Variants in FANCC observed in about 807,000 individuals in gnomAD.
The protein encoded by FANCC is Fanconi anemia group C protein.
A neutral mutation model predicts 71.3 loss-of-function variants in FANCC; 55 were observed. The observed-to-expected ratio is 0.77, with a 90% confidence interval of 0.62 to 0.97. FANCC has a LOEUF of 0.97. FANCC is among the 50% of genes least tolerant of loss of function. The probability of loss-of-function intolerance (pLI) is 0.00; values close to 1 mark genes in which losing one functional copy is unlikely to be tolerated. For missense variants in FANCC, 678 were observed against 670.9 expected (o/e 1.01, Z -0.12); for synonymous variants, 275 against 244.9 (o/e 1.12, Z -1.15).
chr9:95,292,935 A>G, intron 1 of FANCC: 1 of 1,580,768 alleles, frequency 6.3e-7, no homozygotes, highest in South Asian at 1.1e-5. Flanking sequence ...TCCCTACGCC[A>G]GTAGAAAAGC....
At chr9:95,224,801 C>A (rs1564769914) in intron 4 of FANCC, among the ~76,000 whole-genome samples, 1 of 152,046 alleles carries the variant, frequency 6.6e-6, no homozygotes, top group Non-Finnish European at 1.5e-5. Context: ...GTCTGATTCC[C>A]AAAGGAGTGA....
At position 95,274,858 on chromosome 9, in the gene FANCC, G is replaced by A. The variant is rs541499650; in HGVS notation, c.-78-25489C>T. Among the ~76,000 whole-genome samples, 5 of 152,280 alleles carry A rather than the reference G, an allele frequency of 3.3e-5. No individual in the cohort carries two copies. The East Asian group carries it at 9.6e-4, about 29-fold the overall frequency. ...TATTTGGGGAAGGGAAAGGAGGAAA[G>A]GGATAAGGGGAGGATATCTGCAGTC... On this transcript the variant is annotated intron_variant, in intron 1 of 14. Transcript: ENST00000289081.
intron 10 of FANCC, 52 bp downstream of exon 10, chr9:95,125,034 A>AAG: frequency 6.7e-7 from 1 of 1,481,760 alleles, no homozygotes; most frequent in Non-Finnish European, 9.4e-7. Context: ...AAATACTCTC[A>AAG]ACAGCGTCTT....
At chr9:95,142,247 C>G (rs1018037164) in intron 7 of FANCC, among the ~76,000 whole-genome samples, 31 of 152,138 alleles carry the variant, frequency 2.0e-4, no homozygotes, top group African/African-American at 7.5e-4. Flanking sequence ...CCTGCCTCAG[C>G]CTTCCAAAGT....
intron 4 of FANCC, among the ~76,000 whole-genome samples, chr9:95,181,560 G>C (rs1414611965): frequency 1.3e-5 from 2 of 152,178 alleles, no homozygotes; most frequent in Non-Finnish European, 2.9e-5. Context: ...CTGGCAGAGT[G>C]ATCTTGGAGA....
At chr9:95,118,376 C>T (rs1046110254) in intron 10 of FANCC, among the ~76,000 whole-genome samples, 1 of 152,208 alleles carries the variant, frequency 6.6e-6, no homozygotes, top group Non-Finnish European at 1.5e-5. Context: ...TTTCGAGGGC[C>T]AAAGAGCTAC....
intron 9 of FANCC, among the ~76,000 whole-genome samples, 180 bp from the exon 10 acceptor site, chr9:95,125,365 T>A (rs562866861): frequency 2.6e-5 from 4 of 152,258 alleles, no homozygotes; most frequent in Non-Finnish European, 5.9e-5. Flanking sequence ...CTCCCTGTTA[T>A]ATTTTCTTTA....
At chr9:95,316,575 G>C (rs1835751849) in intron 1 of FANCC, among the ~76,000 whole-genome samples, 1 of 152,138 alleles carries the variant, frequency 6.6e-6, no homozygotes, top group Non-Finnish European at 1.5e-5. Flanking sequence ...GCATTAAATG[G>C]GGCACAAGTT....
At position 95,124,211 on chromosome 9, in the gene FANCC, T is replaced by C. The variant is rs894442936; in HGVS notation, c.996+875A>G. 2.6e-5 allele frequency among the ~76,000 whole-genome samples: 4 copies of C among 151,020 alleles called. No homozygotes were observed. The East Asian group carries it at 7.8e-4, about 30-fold the overall frequency. On this transcript the variant is annotated intron_variant, in intron 10 of 14. Coordinates refer to ENST00000289081, the MANE Select transcript of FANCC (RefSeq NM_000136.3). Reference sequence around the variant, plus strand: ...CTGGTGGAGCCAAGCATTGTAGTTCTCCTCTCGGAAGTCAAACTGCGGAGA... The same window carrying C: ...CTGGTGGAGCCAAGCATTGTAGTTCCCCTCTCGGAAGTCAAACTGCGGAGA...
intron 4 of FANCC, among the ~76,000 whole-genome samples, chr9:95,236,365 T>C (rs2136023990): frequency 6.6e-6 from 1 of 152,322 alleles, no homozygotes; most frequent in Non-Finnish European, 1.5e-5. Context: ...AAGTATCTGT[T>C]CAGTGGATTT....
chr9:95,303,089 C>T (rs746534280), intron 1 of FANCC, among the ~76,000 whole-genome samples: 4 of 152,162 alleles, frequency 2.6e-5, no homozygotes, highest in African/African-American at 9.7e-5. Flanking sequence ...TACAGCCAGA[C>T]TTTCTGCAAG....
chr9:95,261,998 C>A (rs1832081005), intron 1 of FANCC, among the ~76,000 whole-genome samples: 1 of 152,136 alleles, frequency 6.6e-6, no homozygotes, highest in African/African-American at 2.4e-5. Context: ...CAGCTTAGGA[C>A]CACTGCCATT....
intron 4 of FANCC, among the ~76,000 whole-genome samples, chr9:95,227,399 C>T (rs1829686589): frequency 6.6e-6 from 1 of 152,196 alleles, no homozygotes; most frequent in Admixed American, 6.5e-5. Context: ...GCCAACCAAA[C>T]CACAGACACA....
Position 95,107,152 on chromosome 9 carries a change from CAGG to C in FANCC, c.1444_1446del (p.Pro482del), listed in dbSNP as rs773270231. On this transcript the variant is annotated inframe_deletion, in exon 14 of 15. Transcript: ENST00000289081. Reference sequence around the variant, plus strand: ...AGAAGGTGCCTGATCAGCTGTTGTGCAGGAGCTCTGAGGTCTGTGTCTGTGCCC... The same window carrying C: ...AGAAGGTGCCTGATCAGCTGTTGTGCAGCTCTGAGGTCTGTGTCTGTGCCC... 3 of 1,614,104 alleles carry C rather than the reference CAGG, an allele frequency of 1.9e-6. No homozygotes were observed. The Admixed American group carries it at 5.0e-5, about 27-fold the overall frequency.
intron 1 of FANCC, among the ~76,000 whole-genome samples, chr9:95,281,070 G>C (rs1381582622): frequency 6.6e-6 from 1 of 152,154 alleles, no homozygotes; most frequent in Non-Finnish European, 1.5e-5. Context: ...GAGCAAATAT[G>C]TGGGTCACTG....
In FANCC at chr9:95,279,200, C is replaced by A. The variant is rs571871295; in HGVS notation, c.-78-29831G>T. Among the ~76,000 whole-genome samples the A allele has an allele frequency of 5.3e-5, 8 of 152,116 alleles. No individual in the cohort carries two copies. In the South Asian group the frequency reaches 1.5e-3, roughly 28 times the overall value. ...GGGCATGGTGGTGCATGCTTGCAGTCCTAATCACTCAGGAGGCTGAACCAT... is the reference window on the plus strand; with the variant it reads ...GGGCATGGTGGTGCATGCTTGCAGTACTAATCACTCAGGAGGCTGAACCAT... On this transcript the variant is annotated intron_variant, in intron 1 of 14. Coordinates refer to ENST00000289081, the MANE Select transcript of FANCC (RefSeq NM_000136.3).
chr9:95,261,051 C>T (rs1283970531), intron 1 of FANCC, among the ~76,000 whole-genome samples: 2 of 152,196 alleles, frequency 1.3e-5, no homozygotes, highest in African/African-American at 4.8e-5. Flanking sequence ...ACCTGTACGG[C>T]TACTGCTTTG....
chr9:95,293,898 T>G (rs1834216258), intron 1 of FANCC: 4 of 1,599,022 alleles, frequency 2.5e-6, no homozygotes, highest in Non-Finnish European at 3.4e-6. Context: ...CATTTTTGAG[T>G]GTTCATTCAT....
chr9:95,110,206 A>G, intron 13 of FANCC: 2 of 979,616 alleles, frequency 2.0e-6, no homozygotes, highest in Non-Finnish European at 2.4e-6. Context: ...AAGATGTGCC[A>G]ATGTAGAACT....
Sources: allele counts gnomAD v4.1 joint callset (sites outside exome capture counted in the v4.1 genomes callset), GRCh38; gene constraint gnomAD v4.1.1; transcripts MANE v1.5; gene names NCBI Gene and HGNC (gene_info 2026-07-23, HGNC 2026-07-21).